Variants in IL1RAPL1 observed in about 807,000 individuals in gnomAD.
IL1RAPL1 encodes the protein interleukin 1 receptor accessory protein like 1, also known as interleukin-1 receptor accessory protein-like 1.
In IL1RAPL1, 3 loss-of-function variants were observed where a neutral mutation model predicts 48.4. The observed-to-expected ratio is 0.06, with a 90% CI of 0.03 to 0.16. The LOEUF (loss-of-function observed/expected upper bound fraction) is 0.16. Among genes scored for constraint, IL1RAPL1 ranks in the 10% least tolerant of loss-of-function variants. IL1RAPL1 has a pLI of 1.00. For synonymous variants in IL1RAPL1, 185 were observed against 187.7 expected (o/e 0.99, Z 0.12); for missense variants, 349 against 530.6 (o/e 0.66, Z 3.36).
chrX:28,970,818 A>G (rs1242892616), intron 2 of IL1RAPL1, among the ~76,000 whole-genome samples: 5 of 111,754 alleles, frequency 4.5e-5, no homozygotes, highest in Non-Finnish European at 9.4e-5. Flanking sequence ...TTAATAAAAC[A>G]GAAAGAAAAC....
chrX:28,774,774 G>A (rs1270888180), intron 1 of IL1RAPL1, among the ~76,000 whole-genome samples: 2 of 111,441 alleles, frequency 1.8e-5, no homozygotes, highest in Admixed American at 9.6e-5. Context: ...TATGATAAAA[G>A]CATCTCAAAC....
At chrX:28,762,823 C>CACACAG (rs1268556014) in intron 1 of IL1RAPL1, among the ~76,000 whole-genome samples, 852 of 36,560 alleles carry the variant, frequency 0.023, 23 homozygotes, top group East Asian at 0.17. Flanking sequence ...CACACACACA[C>CACACAG]AGAGAGAGAG....
chrX:29,452,094 A>G (rs150894857), intron 5 of IL1RAPL1, among the ~76,000 whole-genome samples: 1,400 of 112,270 alleles, frequency 0.012, 15 homozygotes, highest in African/African-American at 0.043. Context: ...TGAAATAAAG[A>G]TAACAAAATG....
intron 6 of IL1RAPL1, among the ~76,000 whole-genome samples, chrX:29,712,444 A>G (rs1345661664): frequency 8.9e-6 from 1 of 112,253 alleles, no homozygotes; most frequent in African/African-American, 3.2e-5. Context: ...CTGAGGAATG[A>G]TATAAAAATA....
At chrX:29,130,242 TATCACGAAG>T (rs1054123221) in intron 2 of IL1RAPL1, among the ~76,000 whole-genome samples, 3 of 112,005 alleles carry the variant, frequency 2.7e-5, no homozygotes, top group Middle Eastern at 4.6e-3. Flanking sequence ...AATGCTAACA[TATCACGAAG>T]GGGAAAGTGT....
chrX:28,917,504 A>C (rs746572211), intron 2 of IL1RAPL1, among the ~76,000 whole-genome samples: 1 of 111,824 alleles, frequency 8.9e-6, no homozygotes, highest in Non-Finnish European at 1.9e-5. Context: ...TATTGAGACT[A>C]AGTAACTCTG....
intron 5 of IL1RAPL1, among the ~76,000 whole-genome samples, chrX:29,617,579 C>T (rs971854762): frequency 9.0e-6 from 1 of 111,369 alleles, no homozygotes; most frequent in Admixed American, 9.6e-5. Context: ...CAGTCTGAGC[C>T]CTGTATTGAA....
intron 6 of IL1RAPL1, among the ~76,000 whole-genome samples, chrX:29,890,810 G>T (rs755289565): frequency 1.8e-4 from 20 of 111,921 alleles, no homozygotes; most frequent in Non-Finnish European, 2.4e-4. Context: ...AACCCACACA[G>T]TTCCTGTGAG....
At chrX:28,641,548 T>C (rs1024180540) in intron 1 of IL1RAPL1, among the ~76,000 whole-genome samples, 3 of 111,827 alleles carry the variant, frequency 2.7e-5, no homozygotes, top group African/African-American at 9.8e-5. Context: ...AGTGTCTTTA[T>C]AGTAGAATGA....
chrX:29,624,985 C>T, intron 5 of IL1RAPL1, among the ~76,000 whole-genome samples: 1 of 112,144 alleles, frequency 8.9e-6, no homozygotes, highest in South Asian at 3.7e-4. Context: ...CCAGATAGTA[C>T]ATATTTTAGG....
intron 3 of IL1RAPL1, among the ~76,000 whole-genome samples, chrX:29,332,776 T>C (rs1932901063): frequency 9.0e-6 from 1 of 111,046 alleles, no homozygotes; most frequent in Non-Finnish European, 1.9e-5. Context: ...CTGGTTTTCC[T>C]AGGCAGAGGA....
chrX:28,892,799 T>C (rs1163766955), intron 2 of IL1RAPL1, among the ~76,000 whole-genome samples: 2 of 110,434 alleles, frequency 1.8e-5, no homozygotes, highest in Non-Finnish European at 3.8e-5. Flanking sequence ...AAACATTTGT[T>C]GTGTAGAATT....
chrX:28,957,528 C>T (rs1253446492), intron 2 of IL1RAPL1, among the ~76,000 whole-genome samples: 1 of 111,696 alleles, frequency 9.0e-6, no homozygotes, highest in Non-Finnish European at 1.9e-5. Context: ...ATTCCAATGT[C>T]TCTTACTGCC....
At chrX:29,194,914 T>C (rs1031164772) in intron 2 of IL1RAPL1, among the ~76,000 whole-genome samples, 21 of 110,833 alleles carry the variant, frequency 1.9e-4, no homozygotes, top group African/African-American at 6.9e-4. Context: ...TCTTCCAGTA[T>C]TGGAGATCAA....
chrX:29,561,828 G>C (rs1012155891), intron 5 of IL1RAPL1, among the ~76,000 whole-genome samples: 10 of 110,412 alleles, frequency 9.1e-5, no homozygotes, highest in Non-Finnish European at 1.1e-4. Context: ...ATGGGGATAA[G>C]AACTGAAAAC....
At chrX:29,288,035 T>G (rs1249791767) in intron 3 of IL1RAPL1, among the ~76,000 whole-genome samples, 2 of 112,442 alleles carry the variant, frequency 1.8e-5, no homozygotes, top group East Asian at 5.5e-4. Context: ...TTTAAAAAAT[T>G]GTTAAAAATT....
At chrX:28,588,784 C>G (rs1014274415) in intron 1 of IL1RAPL1, among the ~76,000 whole-genome samples, 27 of 112,353 alleles carry the variant, frequency 2.4e-4, no homozygotes, top group Admixed American at 1.9e-3. Flanking sequence ...CTTTCTTTCT[C>G]AAGTTCAATT....
At chrX:29,915,648 G>GTACT (rs1569202137) in intron 6 of IL1RAPL1, among the ~76,000 whole-genome samples, 1 of 105,388 alleles carries the variant, frequency 9.5e-6, no homozygotes, top group East Asian at 3.0e-4. Flanking sequence ...GAGGCTTCCA[G>GTACT]TACTTAAGAA....
At chrX:29,066,213 T>G (rs1927448419) in intron 2 of IL1RAPL1, among the ~76,000 whole-genome samples, 1 of 112,408 alleles carries the variant, frequency 8.9e-6, no homozygotes, top group Admixed American at 9.4e-5. Flanking sequence ...TGTTCATTTA[T>G]TCTGTTACAT....
Sources: allele counts gnomAD v4.1 joint callset (sites outside exome capture counted in the v4.1 genomes callset), GRCh38; gene constraint gnomAD v4.1.1; transcripts MANE v1.5; gene names NCBI Gene and HGNC (gene_info 2026-07-23, HGNC 2026-07-21).